LMTK2: variants seen among roughly 807,000 people sequenced by gnomAD.
LMTK2 encodes serine/threonine-protein kinase LMTK2.
Under a neutral mutation model 127.5 loss-of-function variants are expected in LMTK2, and 37 were observed. The ratio of observed to expected loss-of-function variants is 0.29; its 90% confidence interval spans 0.22 to 0.38. LMTK2 has a LOEUF of 0.38. LMTK2 is among the 10% of genes least tolerant of loss of function. LMTK2 has a pLI of 1.00. For synonymous variants in LMTK2, 819 were observed against 810.1 expected (o/e 1.01, Z -0.19); for missense variants, 1,694 against 1,920.3 (o/e 0.88, Z 2.20).
In LMTK2 at chr7:98,119,513, A is replaced by AT. The variant is rs929151540; in HGVS notation, c.103+12240dup. On this transcript the variant is annotated intron_variant, in intron 1 of 13. Coordinates refer to ENST00000297293, the MANE Select transcript of LMTK2 (RefSeq NM_014916.4). ...TAAAGCTTGAAATAAGTATTTTTTT[A>AT]TTTTTTTAAAAACTTCACTCCTTCT... Among the ~76,000 whole-genome samples, 22 of 152,132 alleles carry AT rather than the reference A, an allele frequency of 1.4e-4. No homozygotes were observed. The East Asian group carries it at 1.5e-3, about 11-fold the overall frequency.
chr7:98,187,118 A>G, intron 9 of LMTK2, 120 bp downstream of exon 9: 1 of 903,522 alleles, frequency 1.1e-6, no homozygotes, highest in African/African-American at 1.7e-5. Flanking sequence ...AGAGTATCTG[A>G]TGGTGTGAAA....
intron 1 of LMTK2, among the ~76,000 whole-genome samples, chr7:98,128,088 G>A (rs1026511573): frequency 1.1e-4 from 16 of 152,168 alleles, no homozygotes; most frequent in African/African-American, 3.6e-4. Context: ...AGGTTGCAGT[G>A]AGCCAAGATC....
chr7:98,130,221 C>T (rs1467643811), intron 1 of LMTK2, among the ~76,000 whole-genome samples: 4 of 151,938 alleles, frequency 2.6e-5, no homozygotes, highest in Non-Finnish European at 4.4e-5. Context: ...TCAGAAGTAG[C>T]CAGGCAACGT....
chr7:98,109,317 G>A (rs1796164696), intron 1 of LMTK2, among the ~76,000 whole-genome samples: 1 of 152,112 alleles, frequency 6.6e-6, no homozygotes, highest in South Asian at 2.1e-4. Flanking sequence ...ATAGCATAAG[G>A]AAATATTTGG....
intron 7 of LMTK2, among the ~76,000 whole-genome samples, chr7:98,172,044 C>G (rs1797200369): frequency 6.6e-6 from 1 of 152,174 alleles, no homozygotes; most frequent in Non-Finnish European, 1.5e-5. Flanking sequence ...ATGGTGCATC[C>G]CAGTTCACAT....
At chr7:98,166,931 T>C (rs1006314347) in intron 6 of LMTK2, among the ~76,000 whole-genome samples, 1 of 152,234 alleles carries the variant, frequency 6.6e-6, no homozygotes, top group African/African-American at 2.4e-5. Flanking sequence ...CAAAGTAACA[T>C]TTACTATACA....
chr7:98,185,936 C>T (rs968331299), intron 8 of LMTK2, among the ~76,000 whole-genome samples: 1 of 151,906 alleles, frequency 6.6e-6, no homozygotes, highest in East Asian at 1.9e-4. Flanking sequence ...GAGGACCAAA[C>T]GGGTAATATT....
At chr7:98,115,037 C>G (rs1208124380) in intron 1 of LMTK2, among the ~76,000 whole-genome samples, 1 of 152,124 alleles carries the variant, frequency 6.6e-6, no homozygotes, top group East Asian at 1.9e-4. Context: ...CTTAAAAGGT[C>G]AACTTATGTG....
chr7:98,135,377 C>T (rs561118772), intron 1 of LMTK2, among the ~76,000 whole-genome samples: 19 of 152,032 alleles, frequency 1.2e-4, no homozygotes, highest in Non-Finnish European at 2.2e-4. Flanking sequence ...CAGTGATGTG[C>T]TCACAGCTCA....
In LMTK2 at chr7:98,171,740, G is replaced by A. The variant is rs1334507771; in HGVS notation, c.791+66G>A. 8 of 1,471,260 alleles carry A rather than the reference G, an allele frequency of 5.4e-6. No individual in the cohort carries two copies. Among genetic ancestry groups the A allele is most frequent in the Admixed American group, 2.6e-5 (1 of 38,144 alleles). The allele number at this position is 1,471,260 out of a possible 1,614,324, so 91.1% of individuals were successfully genotyped here. A position where few individuals can be genotyped will look rare whatever the true frequency, so the allele number is the denominator to read the frequency against. On this transcript the variant is annotated intron_variant, in intron 7 of 13. Transcript: ENST00000297293. The surrounding 1 kb of genome is among the most constrained non-coding windows in gnomAD (Gnocchi z 5.1). ...GGCGGGACAGTCCAGAGAGGCTGCC[G>A]AGTTTGTGAAACTTAAGGAGGACAG...
chr7:98,171,620 C>T lies in LMTK2; in HGVS notation c.737C>T (p.Ala246Val). The T allele has an allele frequency of 2.5e-6, 4 of 1,610,522 alleles. No individual in the cohort carries two copies. Among genetic ancestry groups the T allele is most frequent in the Non-Finnish European group, 3.4e-6 (4 of 1,178,742 alleles). ...CAGACCATGCTGCTGCAGAGGATGGCGTGCGAGGTCGCCGCGGGGCTGGCC... is the reference window on the plus strand; with the variant it reads ...CAGACCATGCTGCTGCAGAGGATGGTGTGCGAGGTCGCCGCGGGGCTGGCC... The part of the protein sequence containing the change: ...DSQTMLLQRM[A>V]CEVAAGLAAM... Residue 246 changes from alanine (A) to valine (V), a missense_variant, in exon 7 of 14, where the codon GCG (alanine) becomes GTG (valine). Physicochemically the swap from Ala to Val is moderately conservative, Grantham distance 64. Coordinates refer to ENST00000297293, the MANE Select transcript of LMTK2 (RefSeq NM_014916.4). This position sits in a 1 kb window ranked among gnomAD's most constrained non-coding sequence, Gnocchi z 5.1.
chr7:98,127,523 A>G (rs1477729100), intron 1 of LMTK2, among the ~76,000 whole-genome samples: 1 of 152,234 alleles, frequency 6.6e-6, no homozygotes, highest in Non-Finnish European at 1.5e-5. Context: ...TGGGCAAAAC[A>G]GAAAACAGGC....
chr7:98,132,597 G>C (rs1319758318), intron 1 of LMTK2, among the ~76,000 whole-genome samples: 1 of 152,000 alleles, frequency 6.6e-6, no homozygotes, highest in African/African-American at 2.4e-5. Context: ...GAAGTATCTA[G>C]TCTGCCTTTT....
rs1343651618 is a variant in LMTK2, at chr7:98,151,376, C to G, written c.377-6C>G. On this transcript the variant is annotated splice_region_variant and splice_polypyrimidine_tract_variant and intron_variant, in intron 3 of 13. Coordinates refer to ENST00000297293, the MANE Select transcript of LMTK2 (RefSeq NM_014916.4). ...TATTTCATTTTTAATGTTTTTTTCT[C>G]TACAGAGGGATTGAAGTCTCAAGTT... 6.3e-7 allele frequency: 1 copy of G among 1,599,816 alleles called. No individual in the cohort carries two copies. Among genetic ancestry groups the G allele is most frequent in the Non-Finnish European group, 8.6e-7 (1 of 1,168,012 alleles).
At chr7:98,128,099 G>A (rs1366263582) in intron 1 of LMTK2, among the ~76,000 whole-genome samples, 4 of 152,116 alleles carry the variant, frequency 2.6e-5, no homozygotes, top group South Asian at 2.1e-4. Flanking sequence ...AGCCAAGATC[G>A]CGCCACTGTG....
intron 7 of LMTK2, among the ~76,000 whole-genome samples, chr7:98,172,796 C>T (rs938140784): frequency 7.9e-5 from 12 of 152,246 alleles, no homozygotes; most frequent in South Asian, 4.2e-4. Flanking sequence ...GAGTCTCTGT[C>T]GCCCAGGCTG....
intron 11 of LMTK2, among the ~76,000 whole-genome samples, chr7:98,202,175 G>A (rs1265673407): frequency 6.6e-6 from 1 of 151,804 alleles, no homozygotes; most frequent in Non-Finnish European, 1.5e-5. Context: ...TGTCTTCAAG[G>A]TCCCTGATGA....
At chr7:98,177,930 G>A (rs1164367292) in intron 7 of LMTK2, among the ~76,000 whole-genome samples, 1 of 152,214 alleles carries the variant, frequency 6.6e-6, no homozygotes, top group African/African-American at 2.4e-5. Flanking sequence ...CCATCTTAGA[G>A]TGTTAAGTGC....
chr7:98,176,659 A>G (rs561612043), intron 7 of LMTK2, among the ~76,000 whole-genome samples: 2 of 152,330 alleles, frequency 1.3e-5, no homozygotes, highest in Non-Finnish European at 2.9e-5. Context: ...AGCCTGGCCA[A>G]CATGGTGAAA....
Sources: allele counts gnomAD v4.1 joint callset (sites outside exome capture counted in the v4.1 genomes callset), GRCh38; gene constraint gnomAD v4.1.1; non-coding constraint Gnocchi (gnomAD v3.1); transcripts MANE v1.5; gene names NCBI Gene and HGNC (gene_info 2026-07-23, HGNC 2026-07-21).